Variants in XYLB observed in about 807,000 individuals in gnomAD.
XYLB encodes xylulokinase, also known as xylulose kinase.
In XYLB, 62 loss-of-function variants were observed where a neutral mutation model predicts 78.7. The observed-to-expected ratio is 0.79, with a 90% CI of 0.64 to 0.97. The LOEUF (loss-of-function observed/expected upper bound fraction) is 0.97, where lower values mean the gene tolerates loss of function less well. XYLB is among the 50% of genes least tolerant of loss of function. XYLB has a pLI of 0.00. For missense variants in XYLB, 687 were observed against 676.8 expected (o/e 1.02, Z -0.17); for synonymous variants, 245 against 247.4 (o/e 0.99, Z 0.09).
In XYLB at chr3:38,374,410, T is replaced by C. The variant is rs371141195; in HGVS notation, c.848-52T>C. 9 of 1,613,508 alleles carry C rather than the reference T, an allele frequency of 5.6e-6. No individual in the cohort carries two copies. The African/African-American group carries it at 6.7e-5, about 12-fold the overall frequency. On this transcript the variant is annotated intron_variant, in intron 10 of 18. Transcript: ENST00000207870. ...GCCTGGAGAGCCCTGTGGTTTGCTT[T>C]GTGGTTCCCATGTGGCCGCCAGCTA...
At chr3:38,409,145 CT>C (rs1347064178) in intron 18 of XYLB, among the ~76,000 whole-genome samples, 1 of 152,234 alleles carries the variant, frequency 6.6e-6, no homozygotes, top group Non-Finnish European at 1.5e-5. Flanking sequence ...CAATAAAATA[CT>C]GGCAAACCAA....
chr3:38,395,484 C>T (rs769819276), intron 15 of XYLB, 21 bp from the exon 16 acceptor site: 1 of 1,613,840 alleles, frequency 6.2e-7, no homozygotes, highest in Non-Finnish European at 8.5e-7. Flanking sequence ...AGCTATTTTA[C>T]TTTTTTCTTT....
At chr3:38,365,073 T>A in intron 4 of XYLB, 126 bp from the exon 5 acceptor site, 1 of 772,490 alleles carries the variant, frequency 1.3e-6, no homozygotes, top group Non-Finnish European at 2.2e-6. Flanking sequence ...GCTCTGTGAC[T>A]AAGAAGTGGC....
At position 38,376,931 on chromosome 3, in the gene XYLB, T is replaced by C; in HGVS notation, c.1134T>C (p.Asp378=). The C allele has an allele frequency of 6.2e-7, 1 of 1,614,030 alleles. No homozygotes were observed. Among genetic ancestry groups the C allele is most frequent in the Non-Finnish European group, 8.5e-7 (1 of 1,179,894 alleles). Residue 378 remains aspartate, a synonymous_variant, in exon 14 of 19, where the codon GAT becomes GAC. Transcript: ENST00000207870. ...GNGGNLGFYF[D]VMEITPEIIG... ...GTTTTATTTCAGGTTTTTATTTTGA[T>C]GTAATGGAGATCACCCCTGAAATTA... is the stretch of plus-strand genomic sequence containing the variant.
At chr3:38,418,630 A>G (rs1034769525), downstream of XYLB, among the ~76,000 whole-genome samples, 5 of 152,248 alleles carry the variant, frequency 3.3e-5, no homozygotes, top group Admixed American at 1.3e-4. Flanking sequence ...GAAGATCTCT[A>G]TGTACCAATG....
chr3:38,384,956 C>T (rs1462739398), intron 15 of XYLB, among the ~76,000 whole-genome samples: 6 of 151,858 alleles, frequency 4.0e-5, no homozygotes, highest in Non-Finnish European at 7.4e-5. Flanking sequence ...ATTTTATAGC[C>T]CTAGTTGAAG....
chr3:38,406,363 A>T (rs1410158144), intron 18 of XYLB, among the ~76,000 whole-genome samples: 4 of 152,374 alleles, frequency 2.6e-5, no homozygotes, highest in East Asian at 3.9e-4. Context: ...ACAGAAAGAC[A>T]TCCGCACCAA....
the XYLB span, chr3:38,452,713 T>G: frequency 2.0e-5 from 3 of 152,178 alleles, no homozygotes; most frequent in Non-Finnish European, 4.4e-5. Context: ...AATTACAGGT[T>G]TGAGCCACCT....
chr3:38,384,144 A>G (rs1707275861), intron 15 of XYLB, among the ~76,000 whole-genome samples: 1 of 151,896 alleles, frequency 6.6e-6, no homozygotes, highest in Non-Finnish European at 1.5e-5. Flanking sequence ...TTGGCTCACT[A>G]CAACCTCCGC....
chr3:38,397,005 A>T, intron 16 of XYLB, 67 bp from the exon 17 acceptor site: 1 of 1,514,080 alleles, frequency 6.6e-7, no homozygotes, highest in East Asian at 2.3e-5. Context: ...TGGAAAGTGC[A>T]TCCCACAATG....
At chr3:38,435,326 AACAC>A in the XYLB span, among the ~76,000 whole-genome samples, 4 of 150,098 alleles carry the variant, frequency 2.7e-5, no homozygotes, top group East Asian at 5.8e-4. Flanking sequence ...CAAGACCAGT[AACAC>A]ACACACACAC....
intron 17 of XYLB, among the ~76,000 whole-genome samples, 173 bp from the exon 18 acceptor site, chr3:38,400,718 A>T (rs1453654792): frequency 9.9e-5 from 15 of 152,202 alleles, no homozygotes; most frequent in Non-Finnish European, 2.9e-5. Flanking sequence ...CATAAAAATC[A>T]TCCATTTTAA....
intron 16 of XYLB, among the ~76,000 whole-genome samples, chr3:38,396,007 T>C (rs1440633620): frequency 6.6e-6 from 1 of 152,204 alleles, no homozygotes; most frequent in Admixed American, 6.5e-5. Flanking sequence ...AAAAGTAGAA[T>C]CAACCTGCAG....
downstream of XYLB, among the ~76,000 whole-genome samples, chr3:38,424,715 C>T (rs1038596089): frequency 3.5e-4 from 54 of 152,184 alleles, no homozygotes; most frequent in Admixed American, 2.0e-4. Flanking sequence ...ATTCTTCATA[C>T]GTGGTTCATT....
chr3:38,379,431 C>T, intron 15 of XYLB, 89 bp downstream of exon 15: 2 of 1,290,224 alleles, frequency 1.6e-6, no homozygotes, highest in Non-Finnish European at 2.2e-6. Flanking sequence ...GCAATATCTA[C>T]TAAAGTTTTC....
chr3:38,373,284 G>A (rs1706671443), intron 10 of XYLB, among the ~76,000 whole-genome samples: 1 of 152,050 alleles, frequency 6.6e-6, no homozygotes, highest in Non-Finnish European at 1.5e-5. Context: ...GGCCAGGTGG[G>A]CTACACTGAA....
At chr3:38,389,274 TC>T (rs1319184861) in intron 15 of XYLB, among the ~76,000 whole-genome samples, 2 of 147,954 alleles carry the variant, frequency 1.4e-5, no homozygotes, top group Non-Finnish European at 3.0e-5. Flanking sequence ...AGGTCATAGA[TC>T]AACAGGATCC....
chr3:38,416,740 A>T (rs1324244632), downstream of XYLB, among the ~76,000 whole-genome samples: 5 of 152,340 alleles, frequency 3.3e-5, no homozygotes, highest in African/African-American at 1.2e-4. Flanking sequence ...GGATACATTA[A>T]AATGCTAAAA....
chr3:38,394,756 T>C (rs1707798826), intron 15 of XYLB, among the ~76,000 whole-genome samples: 1 of 152,230 alleles, frequency 6.6e-6, no homozygotes, highest in African/African-American at 2.4e-5. Flanking sequence ...CTCCTGAGGT[T>C]GCAGTCACAA....
Sources: gnomAD v4.1 joint callset for allele counts (sites outside exome capture counted in the v4.1 genomes callset) on GRCh38, gnomAD v4.1.1 for gene constraint, MANE v1.5 for transcripts, NCBI Gene and HGNC (gene_info 2026-07-23, HGNC 2026-07-21) for gene names.